TNR: variants seen among roughly 807,000 people sequenced by gnomAD.
The protein encoded by TNR is tenascin-R.
A neutral mutation model predicts 150.4 loss-of-function variants in TNR; 45 were observed. The observed-to-expected ratio is 0.30, with a 90% confidence interval of 0.24 to 0.38. The LOEUF is 0.38. Ranked by LOEUF, TNR falls within the 10% of genes least tolerant of loss-of-function variation. The pLI is 1.00. For synonymous variants in TNR, 687 were observed against 678.4 expected (o/e 1.01, Z -0.20); for missense variants, 1,544 against 1,759.1 (o/e 0.88, Z 2.19).
rs1323776282 is a variant in TNR, at chr1:175,322,594, A to T, written c.*763T>A. The T allele has an allele frequency of 6.6e-6, 1 of 152,296 alleles. No homozygotes were observed. Among genetic ancestry groups the T allele is most frequent in the Non-Finnish European group, 1.5e-5 (1 of 68,114 alleles). 9.4% of individuals were successfully genotyped at this position (152,296 alleles called of 1,614,324 possible). A position where few individuals can be genotyped will look rare whatever the true frequency, so the allele number is the denominator to read the frequency against. On this transcript the variant is annotated 3_prime_UTR_variant, in exon 23 of 23. Coordinates refer to ENST00000367674, the MANE Select transcript of TNR (RefSeq NM_003285.3). The stretch of plus-strand genomic sequence containing the variant: ...GGAGTTTGTGACCAGCCTGGACAAC[A>T]CAGTGAGACCCCCATCTCTACAAAA...
intron 1 of TNR, among the ~76,000 whole-genome samples, chr1:175,528,935 T>G (rs188468389): frequency 1.1e-4 from 16 of 152,320 alleles, no homozygotes; most frequent in Non-Finnish European, 2.4e-4. Flanking sequence ...ACAATGCCAG[T>G]GCATAAAAGT....
intron 1 of TNR, among the ~76,000 whole-genome samples, chr1:175,659,692 C>T (rs151160935): frequency 1.3e-5 from 2 of 152,270 alleles, no homozygotes; most frequent in East Asian, 3.9e-4. Context: ...GGTCCCTGTC[C>T]TGCCTTTCTC....
intron 2 of TNR, among the ~76,000 whole-genome samples, chr1:175,466,436 C>T (rs1160622562): frequency 1.3e-5 from 2 of 152,198 alleles, no homozygotes; most frequent in Non-Finnish European, 2.9e-5. Context: ...CTAGACAAAC[C>T]TGCAGTGCTT....
At chr1:175,330,259 A>C (rs955670371) in intron 20 of TNR, 24 bp from the exon 21 acceptor site, 1 of 1,502,760 alleles carries the variant, frequency 6.7e-7, no homozygotes, top group Admixed American at 1.9e-5. Context: ...CAGAAAATGC[A>C]CTGAGACTGG....
chr1:175,742,324 T>C (rs1297064812), intron 1 of TNR, among the ~76,000 whole-genome samples: 1 of 152,234 alleles, frequency 6.6e-6, no homozygotes, highest in African/African-American at 2.4e-5. Flanking sequence ...ACAAGTCTAA[T>C]TTTGTTTCTG....
chr1:175,714,662 C>A (rs1667106285), intron 1 of TNR, among the ~76,000 whole-genome samples: 1 of 152,204 alleles, frequency 6.6e-6, no homozygotes, highest in Non-Finnish European at 1.5e-5. Flanking sequence ...ACTTTTGTTT[C>A]CAGCTACAGG....
intron 1 of TNR, among the ~76,000 whole-genome samples, chr1:175,558,986 T>G (rs1019065560): frequency 3.3e-5 from 5 of 152,200 alleles, no homozygotes; most frequent in African/African-American, 9.6e-5. Flanking sequence ...GTGGGAGATG[T>G]TGATAGCTAG....
intron 4 of TNR, among the ~76,000 whole-genome samples, chr1:175,400,620 G>T (rs1022622152): frequency 6.6e-6 from 1 of 152,170 alleles, no homozygotes; most frequent in African/African-American, 2.4e-5. Flanking sequence ...GCCTCAGAAT[G>T]CAATCCACAC....
chr1:175,673,499 A>C lies in TNR; in HGVS notation c.-165+69727T>G, dbSNP rs896866765. Among the ~76,000 whole-genome samples, 24 of 152,374 alleles carry C rather than the reference A, an allele frequency of 1.6e-4. 1 individual carries two copies. Among genetic ancestry groups the C allele is most frequent in the Admixed American group, 1.5e-3 (23 of 15,312 alleles). On this transcript the variant is annotated intron_variant, in intron 1 of 22. Coordinates refer to ENST00000367674, the MANE Select transcript of TNR (RefSeq NM_003285.3). ...TGCTTTATGTGGAAGTAAAGGGGCA[A>C]GCATATGTAGGGTGCTGGAAGAATA...
intron 1 of TNR, among the ~76,000 whole-genome samples, chr1:175,576,701 T>C (rs1220546579): frequency 6.6e-6 from 1 of 152,206 alleles, no homozygotes; most frequent in Non-Finnish European, 1.5e-5. Flanking sequence ...ACCCTTTCAC[T>C]TAGAATATCT....
At chr1:175,406,828 A>G in intron 2 of TNR, 51 bp from the exon 3 acceptor site, 4 of 1,385,698 alleles carry the variant, frequency 2.9e-6, no homozygotes, top group Non-Finnish European at 2.9e-6. Flanking sequence ...ATGCCTTGGC[A>G]CCATGGCTCT....
Position 175,631,238 on chromosome 1 carries a change from C to T in TNR, c.-164-102869G>A, listed in dbSNP as rs191689535. Among the ~76,000 whole-genome samples, 354 of 152,314 alleles carry T rather than the reference C, an allele frequency of 2.3e-3. 1 individual carries two copies. Among genetic ancestry groups the T allele is most frequent in the African/African-American group, 8.0e-3 (333 of 41,562 alleles). ...AAATGCATATATAGGAATATTTCTT[C>T]TGGCCTTATTTGTTAAGATAAAAGA... On this transcript the variant is annotated intron_variant, in intron 1 of 22. Transcript: ENST00000367674.
At chr1:175,596,845 A>G (rs1446267274) in intron 1 of TNR, among the ~76,000 whole-genome samples, 1 of 152,178 alleles carries the variant, frequency 6.6e-6, no homozygotes, top group Non-Finnish European at 1.5e-5. Context: ...TAAGCAGACA[A>G]AGTGTGCTTA....
intron 4 of TNR, among the ~76,000 whole-genome samples, chr1:175,401,384 G>A (rs1410706242): frequency 6.6e-6 from 1 of 152,120 alleles, no homozygotes; most frequent in Non-Finnish European, 1.5e-5. Flanking sequence ...TCATCCCCTG[G>A]ATGGAAACTG....
chr1:175,457,786 T>C (rs1656630856), intron 2 of TNR, among the ~76,000 whole-genome samples: 1 of 152,238 alleles, frequency 6.6e-6, no homozygotes, highest in African/African-American at 2.4e-5. Context: ...TTATTAGGTA[T>C]ATATTTATAA....
intron 2 of TNR, among the ~76,000 whole-genome samples, chr1:175,470,821 G>A (rs1657253494): frequency 6.6e-6 from 1 of 152,170 alleles, no homozygotes; most frequent in Admixed American, 6.5e-5. Flanking sequence ...CTATTAGCTT[G>A]TGGACTCCTG....
At position 175,618,701 on chromosome 1, in the gene TNR, A is replaced by G. The variant is rs1179274886; in HGVS notation, c.-164-90332T>C. On this transcript the variant is annotated intron_variant, in intron 1 of 22. Coordinates refer to ENST00000367674, the MANE Select transcript of TNR (RefSeq NM_003285.3). ...TTACAGCAGGGAGTGGAATCCCCCA[A>G]CCTGGTTGGCCTGAATACGCCAGCT... 2.6e-5 allele frequency among the ~76,000 whole-genome samples: 4 copies of G among 152,100 alleles called. No individual in the cohort carries two copies. In the East Asian group the frequency reaches 7.7e-4, roughly 29 times the overall value.
At chr1:175,567,544 G>A (rs992052262) in intron 1 of TNR, among the ~76,000 whole-genome samples, 17 of 152,152 alleles carry the variant, frequency 1.1e-4, no homozygotes, top group African/African-American at 3.6e-4. Flanking sequence ...AAGCATCTGC[G>A]GGTCTAACAT....
rs978269558 is a variant in TNR, at chr1:175,382,790, C to T, written c.1778-3053G>A. Among the ~76,000 whole-genome samples the T allele has an allele frequency of 2.6e-5, 4 of 151,768 alleles. No homozygotes were observed. In the South Asian group the frequency reaches 8.3e-4, roughly 32 times the overall value. Reference sequence around the variant, plus strand: ...TGGCAGGTGCCTGTAGTCCTAGCTACTTGGGAGGCTTGAGGCAGGACAATC... The same window carrying T: ...TGGCAGGTGCCTGTAGTCCTAGCTATTTGGGAGGCTTGAGGCAGGACAATC... On this transcript the variant is annotated intron_variant, in intron 8 of 22. Coordinates refer to ENST00000367674, the MANE Select transcript of TNR (RefSeq NM_003285.3).
Sources: gnomAD v4.1 joint callset for allele counts (sites outside exome capture counted in the v4.1 genomes callset) on GRCh38, gnomAD v4.1.1 for gene constraint, MANE v1.5 for transcripts, NCBI Gene and HGNC (gene_info 2026-07-23, HGNC 2026-07-21) for gene names.